Variants in CTNNA2 observed in about 807,000 individuals in gnomAD.
CTNNA2 encodes catenin alpha 2.
Under a neutral mutation model 101.0 loss-of-function variants are expected in CTNNA2, and 42 were observed. The ratio of observed to expected loss-of-function variants is 0.42; its 90% confidence interval spans 0.32 to 0.54. The LOEUF is 0.54. Among genes scored for constraint, CTNNA2 ranks in the 20% least tolerant of loss-of-function variants. The pLI is 0.14. For missense variants in CTNNA2, 871 were observed against 1,223.1 expected (o/e 0.71, Z 4.29); for synonymous variants, 450 against 456.4 (o/e 0.99, Z 0.18).
At chr2:79,275,442 C>T (rs1050070692) in intron 2 of CTNNA2, among the ~76,000 whole-genome samples, 1 of 152,034 alleles carries the variant, frequency 6.6e-6, no homozygotes, top group African/African-American at 2.4e-5. Flanking sequence ...TGTGAACTTA[C>T]ACATCTGCCA....
At position 80,581,732 on chromosome 2, in the gene CTNNA2, T is replaced by C; in HGVS notation, c.1920T>C (p.Ser640=). The C allele has an allele frequency of 6.2e-7, 1 of 1,612,646 alleles. No homozygotes were observed. Among genetic ancestry groups the C allele is most frequent in the Middle Eastern group, 1.7e-4 (1 of 6,056 alleles). Residue 640 remains serine (S), a synonymous_variant, in exon 14 of 19, where the codon TCT becomes TCC. Transcript: ENST00000402739. The part of the protein sequence containing the change: ...IRTPEELEDD[S]DFEQEDYDVR... ...CCCCAGAAGAACTAGAGGATGATTCTGACTTTGAGCAGGAAGATTATGATG... is the reference window on the plus strand; with the variant it reads ...CCCCAGAAGAACTAGAGGATGATTCCGACTTTGAGCAGGAAGATTATGATG...
chr2:79,520,855 T>G (rs1210397970), intron 1 of CTNNA2, among the ~76,000 whole-genome samples: 1 of 152,002 alleles, frequency 6.6e-6, no homozygotes, highest in African/African-American at 2.4e-5. Flanking sequence ...GAAGCAACTG[T>G]GATACTCATA....
Position 80,586,933 on chromosome 2 carries a change from A to G in CTNNA2, c.2008-2371A>G, listed in dbSNP as rs138955641. ...TTAGTCAAATCAGACACCATAGGCA[A>G]CTCATGTCTATGGCATCCACCAGGA... On this transcript the variant is annotated intron_variant, in intron 14 of 18. Coordinates refer to ENST00000402739, the MANE Select transcript of CTNNA2 (RefSeq NM_001282597.3). Among the ~76,000 whole-genome samples, 5 of 152,190 alleles carry G rather than the reference A, an allele frequency of 3.3e-5. No homozygotes were observed. In the East Asian group the frequency reaches 9.7e-4, roughly 30 times the overall value.
At chr2:79,471,242 G>C (rs446017) in intron 4 of CTNNA2, among the ~76,000 whole-genome samples, 2 of 151,948 alleles carry the variant, frequency 1.3e-5, no homozygotes, top group African/African-American at 4.8e-5. Flanking sequence ...AATTTGAATT[G>C]CTGCCATTAT....
intron 9 of CTNNA2, among the ~76,000 whole-genome samples, chr2:80,489,734 A>T (rs1236774952): frequency 1.3e-5 from 2 of 152,272 alleles, no homozygotes; most frequent in African/African-American, 4.8e-5. Context: ...TTGTAAACTT[A>T]CTTCCTAGTA....
At chr2:79,280,935 G>T (rs1675361260) in intron 2 of CTNNA2, among the ~76,000 whole-genome samples, 1 of 152,050 alleles carries the variant, frequency 6.6e-6, no homozygotes, top group African/African-American at 2.4e-5. Flanking sequence ...TCACTTTGAA[G>T]CTCTGTTTGC....
At chr2:80,620,427 G>A (rs912821809) in intron 18 of CTNNA2, among the ~76,000 whole-genome samples, 1 of 151,822 alleles carries the variant, frequency 6.6e-6, no homozygotes, top group African/African-American at 2.4e-5. Flanking sequence ...AAGCACTACA[G>A]CTGATACTGC....
intron 2 of CTNNA2, among the ~76,000 whole-genome samples, chr2:79,686,407 A>G (rs1296406605): frequency 6.6e-6 from 1 of 152,210 alleles, no homozygotes; most frequent in East Asian, 1.9e-4. Flanking sequence ...TAAAGCTAAT[A>G]TAAATGCTTA....
intron 9 of CTNNA2, among the ~76,000 whole-genome samples, chr2:80,445,921 T>C (rs115147694): frequency 0.016 from 2,451 of 152,268 alleles, 32 homozygotes; most frequent in Non-Finnish European, 0.026. Flanking sequence ...ATGTGTAGCA[T>C]TGGGTGAATC....
At chr2:79,693,908 A>C (rs1684485925) in intron 2 of CTNNA2, among the ~76,000 whole-genome samples, 2 of 152,022 alleles carry the variant, frequency 1.3e-5, no homozygotes, top group African/African-American at 4.8e-5. Flanking sequence ...AGCATCCCTA[A>C]AGCCTACTTG....
intron 7 of CTNNA2, among the ~76,000 whole-genome samples, chr2:80,079,882 T>TAATAA (rs546368247): frequency 1.8e-5 from 1 of 54,574 alleles, no homozygotes; most frequent in African/African-American, 4.8e-5. Context: ...TAAAATAAAA[T>TAATAA]AATAAAATAA....
intron 3 of CTNNA2, among the ~76,000 whole-genome samples, chr2:79,799,047 A>G (rs1482205496): frequency 6.6e-6 from 1 of 152,128 alleles, no homozygotes; most frequent in Admixed American, 6.6e-5. Flanking sequence ...CTCTCTGGTG[A>G]GCCCCAGCCC....
intron 7 of CTNNA2, among the ~76,000 whole-genome samples, chr2:79,961,390 C>T (rs1689615374): frequency 6.6e-6 from 1 of 152,050 alleles, no homozygotes; most frequent in Non-Finnish European, 1.5e-5. Context: ...TCCCTTATTA[C>T]CAGCCTCATC....
chr2:80,336,374 G>A (rs1671764209), intron 7 of CTNNA2, among the ~76,000 whole-genome samples: 1 of 152,072 alleles, frequency 6.6e-6, no homozygotes, highest in Admixed American at 6.6e-5. Context: ...AATTTAGGGG[G>A]ACGTAAGCAT....
intron 7 of CTNNA2, among the ~76,000 whole-genome samples, chr2:80,242,257 T>C (rs1670997047): frequency 1.3e-5 from 2 of 152,208 alleles, no homozygotes; most frequent in African/African-American, 4.8e-5. Context: ...GAAAGGCTAT[T>C]GTATCCAAGG....
At position 80,070,224 on chromosome 2, in the gene CTNNA2, T is replaced by C. The variant is rs374043343; in HGVS notation, c.1056+160427T>C. Among the ~76,000 whole-genome samples the C allele has an allele frequency of 5.3e-5, 8 of 152,282 alleles. No individual in the cohort carries two copies. The South Asian group carries it at 1.7e-3, about 32-fold the overall frequency. ...GGGTGCTCCAGTTTTCCTGAAAAGG[T>C]AGTTTTGCATTTGAGTCTAATTTAC... is the stretch of plus-strand genomic sequence containing the variant. On this transcript the variant is annotated intron_variant, in intron 7 of 18. Coordinates refer to ENST00000402739, the MANE Select transcript of CTNNA2 (RefSeq NM_001282597.3).
At chr2:80,520,025 G>T (rs1333848456) in intron 9 of CTNNA2, among the ~76,000 whole-genome samples, 1 of 152,064 alleles carries the variant, frequency 6.6e-6, no homozygotes, top group Non-Finnish European at 1.5e-5. Context: ...TTGCTTAGAA[G>T]CCTCTTTCCT....
intron 1 of CTNNA2, among the ~76,000 whole-genome samples, chr2:79,186,763 T>C (rs1673783583): frequency 6.6e-6 from 1 of 152,204 alleles, no homozygotes; most frequent in Non-Finnish European, 1.5e-5. Context: ...ACAGTGGCTC[T>C]CAGTCTTCAC....
At chr2:79,489,331 A>G (rs1671187273) in intron 4 of CTNNA2, among the ~76,000 whole-genome samples, 1 of 152,174 alleles carries the variant, frequency 6.6e-6, no homozygotes, top group South Asian at 2.1e-4. Flanking sequence ...ACCTGATTAG[A>G]TGGTCTTAAA....
Sources: gnomAD v4.1 joint callset for allele counts (sites outside exome capture counted in the v4.1 genomes callset) on GRCh38, gnomAD v4.1.1 for gene constraint, MANE v1.5 for transcripts, NCBI Gene and HGNC (gene_info 2026-07-23, HGNC 2026-07-21) for gene names.